EML1: variants seen among roughly 807,000 people sequenced by gnomAD.
EML1 encodes EMAP like 1.
In EML1, 27 loss-of-function variants were observed where a neutral mutation model predicts 110.4. The ratio of observed to expected loss-of-function variants is 0.24; its 90% confidence interval spans 0.18 to 0.34. The LOEUF (loss-of-function observed/expected upper bound fraction) is 0.34, where lower values mean the gene tolerates loss of function less well. Among genes scored for constraint, EML1 ranks in the 10% least tolerant of loss-of-function variants. The probability of loss-of-function intolerance (pLI) is 1.00; values close to 1 mark genes in which losing one functional copy is unlikely to be tolerated. For synonymous variants in EML1, 344 were observed against 385.8 expected (o/e 0.89, Z 1.27); for missense variants, 741 against 1,030.9 (o/e 0.72, Z 3.85).
At chr14:99,921,964 T>A (rs1281632107) in intron 17 of EML1, among the ~76,000 whole-genome samples, 1 of 152,184 alleles carries the variant, frequency 6.6e-6, no homozygotes, top group Non-Finnish European at 1.5e-5. Context: ...AAAAATTGCT[T>A]TTTCTGGACA....
rs1418715945 is a variant in EML1 at position 99,834,886 on chromosome 14, C to G, written c.68-15967C>G. On this transcript the variant is annotated intron_variant, in intron 1 of 21. Coordinates refer to ENST00000262233, the MANE Select transcript of EML1 (RefSeq NM_004434.3). ...CTAGGCTGGAGTGCAGTGGAGTGAT[C>G]TTGGCTCACTGCAACCTCTATCTCC... Among the ~76,000 whole-genome samples, 6 of 152,172 alleles carry G rather than the reference C, an allele frequency of 3.9e-5. No homozygotes were observed. In the East Asian group the frequency reaches 1.2e-3, roughly 29 times the overall value.
At chr14:99,754,366 C>A (rs533532881) in intron 1 of EML1, among the ~76,000 whole-genome samples, 1 of 152,182 alleles carries the variant, frequency 6.6e-6, no homozygotes, top group African/African-American at 2.4e-5. Flanking sequence ...CCCCCTGCCT[C>A]CCCCCACGGT....
rs1263053390 is a variant in EML1, at chr14:99,936,727, G to A, written c.2095+393G>A. On this transcript the variant is annotated intron_variant, in intron 19 of 21. Transcript: ENST00000262233. The surrounding 1 kb of genome is among the most constrained non-coding windows in gnomAD (Gnocchi z 5.5). Reference sequence around the variant, plus strand: ...GTGTTATCCTCACAGGAGGGACCATGAAGTCCATCCCCGCTGGGTGGACGG... The same window carrying A: ...GTGTTATCCTCACAGGAGGGACCATAAAGTCCATCCCCGCTGGGTGGACGG... 6.6e-6 allele frequency among the ~76,000 whole-genome samples: 1 copy of A among 152,194 alleles called. No homozygotes were observed. Among genetic ancestry groups the A allele is most frequent in the Admixed American group, 6.5e-5 (1 of 15,290 alleles).
At chr14:99,767,300 C>A (rs1394252814) in intron 1 of EML1, among the ~76,000 whole-genome samples, 2 of 152,220 alleles carry the variant, frequency 1.3e-5, no homozygotes, top group African/African-American at 4.8e-5. Flanking sequence ...AGCCTCAGTT[C>A]TTTTCTCTGT....
chr14:99,889,255 G>GC (rs1401962622), intron 4 of EML1, among the ~76,000 whole-genome samples: 1 of 152,118 alleles, frequency 6.6e-6, no homozygotes, highest in African/African-American at 2.4e-5. Context: ...AGCTGTGTGT[G>GC]CCCCGGGGAG....
chr14:99,850,992 T>G lies in EML1; in HGVS notation c.207T>G (p.Thr69=). ...LADVVRRLNI[T]EEQQAVLNRK... ...ATGTGGTTCGGCGGCTGAACATTACTGAGGAACAGCAGGCCGTGCTTAACA... is the reference window on the plus strand; with the variant it reads ...ATGTGGTTCGGCGGCTGAACATTACGGAGGAACAGCAGGCCGTGCTTAACA... Residue 69 remains threonine, a synonymous_variant, in exon 2 of 22, where the codon ACT becomes ACG. Coordinates refer to ENST00000262233, the MANE Select transcript of EML1 (RefSeq NM_004434.3). 1.2e-6 allele frequency: 2 copies of G among 1,614,120 alleles called. No homozygotes were observed. Among genetic ancestry groups the G allele is most frequent in the Non-Finnish European group, 8.5e-7 (1 of 1,179,992 alleles).
chr14:99,750,881 G>A (rs892256939), intron 1 of EML1, among the ~76,000 whole-genome samples: 2 of 152,034 alleles, frequency 1.3e-5, no homozygotes, highest in African/African-American at 4.8e-5. Flanking sequence ...GGGGTGGCCT[G>A]GGGGAGAGGT....
At chr14:99,793,229 A>C (rs2057700599), upstream of EML1, 2 of 597,022 alleles carry the variant, frequency 3.3e-6, no homozygotes, top group African/African-American at 2.0e-5. Context: ...CCGCCCCGCC[A>C]CGTCCCCCTC....
At position 99,936,292 on chromosome 14, in the gene EML1, C is replaced by G. The variant is rs1296339723; in HGVS notation, c.2053C>G (p.Gln685Glu). ...ITHLDWSVNS[Q>E]FLVSNSGDYE... is the part of the protein sequence containing the mutation. The stretch of plus-strand genomic sequence containing the variant: ...TCACCTGGACTGGTCTGTAAACTCA[C>G]AGTTCCTCGTGTCAAATTCCGGAGA... Residue 685 changes from glutamine (Q) to glutamate (E), a missense_variant, in exon 19 of 22, where the codon CAG (glutamine) becomes GAG (glutamate). This residue lies in a region of EML1 where 388 missense variants were observed against 605.6 expected (regional missense o/e 0.64). Transcript: ENST00000262233. The surrounding 1 kb of genome is among the most constrained non-coding windows in gnomAD (Gnocchi z 5.5). 4 of 1,613,962 alleles carry G rather than the reference C, an allele frequency of 2.5e-6. No homozygotes were observed. In the Admixed American group the frequency reaches 6.7e-5, roughly 27 times the overall value.
intron 1 of EML1, among the ~76,000 whole-genome samples, chr14:99,819,233 G>C (rs1280406236): frequency 1.3e-5 from 2 of 152,132 alleles, no homozygotes; most frequent in Non-Finnish European, 2.9e-5. Context: ...GGGACTACAG[G>C]CATGAGCCAC....
intron 4 of EML1, among the ~76,000 whole-genome samples, chr14:99,885,040 C>T (rs538448828): frequency 6.6e-6 from 1 of 152,240 alleles, no homozygotes; most frequent in Admixed American, 6.5e-5. Flanking sequence ...CCATGCTGCA[C>T]ACACCGCTTG....
chr14:99,890,481 C>T (rs559540986), intron 4 of EML1, among the ~76,000 whole-genome samples: 1 of 152,278 alleles, frequency 6.6e-6, no homozygotes, highest in Admixed American at 6.5e-5. Context: ...CCTTCTGCCC[C>T]CAGGGTCCCC....
intron 8 of EML1, among the ~76,000 whole-genome samples, chr14:99,900,181 C>CTTTTT (rs3071437): frequency 1.9e-5 from 2 of 106,650 alleles, no homozygotes; most frequent in African/African-American, 3.5e-5. Flanking sequence ...ATATTAAGCT[C>CTTTTT]TTTTTTTTTT....
chr14:99,739,065 A>AGTGTGT (rs35246718), intron 1 of EML1, among the ~76,000 whole-genome samples: 2,563 of 138,920 alleles, frequency 0.018, 58 homozygotes, highest in East Asian at 0.095. Flanking sequence ...AGAGTGTGAG[A>AGTGTGT]GTGTGTGTGT....
rs571281451 is a variant in EML1 at position 99,759,855 on chromosome 14, T to C, written c.28+21995T>C. On this transcript the variant is annotated intron_variant, in intron 1 of 10. Coordinates refer to the EML1 transcript ENST00000554479. Reference sequence around the variant, plus strand: ...TAGGCCTGGCATGGTGGCTCACGCCTGTAATCCCAGCCCTTTGGGAGGCCG... The same window carrying C: ...TAGGCCTGGCATGGTGGCTCACGCCCGTAATCCCAGCCCTTTGGGAGGCCG... 1.9e-4 allele frequency among the ~76,000 whole-genome samples: 29 copies of C among 152,198 alleles called. No homozygotes were observed. In the South Asian group the frequency reaches 5.4e-3, roughly 28 times the overall value.
intron 8 of EML1, among the ~76,000 whole-genome samples, chr14:99,900,281 C>T (rs756194683): frequency 3.3e-4 from 49 of 149,728 alleles, no homozygotes; most frequent in Non-Finnish European, 6.4e-4. Context: ...CTCCACCTCC[C>T]GGGTTCAAGC....
chr14:99,759,802 T>G (rs2057294743), intron 1 of EML1, among the ~76,000 whole-genome samples: 1 of 152,132 alleles, frequency 6.6e-6, no homozygotes, highest in Non-Finnish European at 1.5e-5. Flanking sequence ...AAACGCTCTT[T>G]GCGTTCATGC....
intron 4 of EML1, among the ~76,000 whole-genome samples, chr14:99,889,012 G>A (rs904774508): frequency 4.6e-5 from 7 of 152,176 alleles, no homozygotes; most frequent in Admixed American, 2.6e-4. Context: ...CCGGACAGGC[G>A]GCTGAGAGAG....
chr14:99,859,893 A>C (rs1055608687), intron 2 of EML1, among the ~76,000 whole-genome samples: 1 of 152,230 alleles, frequency 6.6e-6, no homozygotes, highest in Non-Finnish European at 1.5e-5. Context: ...GGATGTAGCC[A>C]GGGGATAATG....
Sources: gnomAD v4.1 joint callset for allele counts (sites outside exome capture counted in the v4.1 genomes callset) on GRCh38, gnomAD v4.1.1 for gene constraint, gnomAD v4.1.1 regional missense constraint, Gnocchi (gnomAD v3.1) non-coding constraint, MANE v1.5 for transcripts, NCBI Gene and HGNC (gene_info 2026-07-23, HGNC 2026-07-21) for gene names.